RAD51D: variants seen among roughly 807,000 people sequenced by gnomAD.
The protein encoded by RAD51D is DNA repair protein RAD51 homolog 4.
A neutral mutation model predicts 44.1 loss-of-function variants in RAD51D; 38 were observed. The ratio of observed to expected loss-of-function variants is 0.86; its 90% CI spans 0.67 to 1.13. RAD51D has a LOEUF of 1.13. Ranked by LOEUF, RAD51D falls within the 50% of genes most tolerant of loss-of-function variation. The pLI is 0.00. For synonymous variants in RAD51D, 141 were observed against 166.6 expected, an observed-to-expected ratio of 0.85 and a Z score of 1.18; for missense variants, 390 against 414.0, an observed-to-expected ratio of 0.94 and a Z score of 0.50.
intron 3 of RAD51D, among the ~76,000 whole-genome samples, chr17:35,113,288 G>A (rs1363675163): frequency 6.6e-6 from 1 of 150,700 alleles, no homozygotes. Flanking sequence ...TTTTCTTTTT[G>A]AGACGGAGTC....
rs28363289 is a variant in RAD51D at position 35,101,468 on chromosome 17, A to G, written c.739-103T>C. Reference sequence around the variant, plus strand: ...GGAAAACAGAGGCCTAGCACAGAGAAATAACTTCCCCAAGGTTACAAAACC... The same window carrying G: ...GGAAAACAGAGGCCTAGCACAGAGAGATAACTTCCCCAAGGTTACAAAACC... On this transcript the variant is annotated intron_variant, in intron 8 of 9. Coordinates refer to ENST00000345365, the MANE Select transcript of RAD51D (RefSeq NM_002878.4). The G allele has an allele frequency of 0.091, 117,245 of 1,295,024 alleles. 5,985 individuals carry two copies. Among genetic ancestry groups the G allele is most frequent in the South Asian group, 0.16 (13,163 of 83,846 alleles). 80.2% of individuals were successfully genotyped at this position (1,295,024 alleles called of 1,614,324 possible). A position where few individuals can be genotyped will look rare whatever the true frequency, so the allele number is the denominator to read the frequency against.
At chr17:35,110,250 A>T (rs1724218068) in intron 3 of RAD51D, among the ~76,000 whole-genome samples, 1 of 152,132 alleles carries the variant, frequency 6.6e-6, no homozygotes, top group African/African-American at 2.4e-5. Flanking sequence ...CTGGGATTAC[A>T]GGTGTGAGCC....
Position 35,099,651 on chromosome 17 carries a change from C to G in RAD51D, c.*1302G>C. ...TCTATCCCTGTTGCATTCATCACCT[C>G]TAAATGTCATTACTTTCTGAGTGTA... On this transcript the variant is annotated 3_prime_UTR_variant, in exon 10 of 10. Transcript: ENST00000345365. 1 of 379,074 alleles carries G rather than the reference C, an allele frequency of 2.6e-6. No homozygotes were observed. Among genetic ancestry groups the G allele is most frequent in the Non-Finnish European group, 5.1e-6 (1 of 195,390 alleles). 23.5% of individuals were successfully genotyped at this position (379,074 alleles called of 1,614,324 possible).
chr17:35,117,042 T>G, intron 3 of RAD51D: 1 of 1,609,592 alleles, frequency 6.2e-7, no homozygotes, highest in East Asian at 2.2e-5. Flanking sequence ...CCATGTCTGT[T>G]GGATTTATAA....
chr17:35,115,259 T>C (rs748393392), intron 3 of RAD51D: 4 of 518,198 alleles, frequency 7.7e-6, no homozygotes, highest in Non-Finnish European at 1.5e-5. Context: ...AGTCATCCAT[T>C]CACACACCAC....
chr17:35,119,375 C>T, intron 1 of RAD51D, 157 bp downstream of exon 1: 1 of 984,866 alleles, frequency 1.0e-6, no homozygotes, highest in East Asian at 2.4e-5. Flanking sequence ...AGCTTGGCTC[C>T]CCACGCCCAC....
intron 5 of RAD51D, 78 bp from the exon 6 acceptor site, chr17:35,106,559 G>C (rs1252449462): frequency 1.9e-6 from 2 of 1,077,698 alleles, no homozygotes; most frequent in Non-Finnish European, 2.8e-6. Flanking sequence ...AGAAGGAAGA[G>C]GCACCTGGAT....
At chr17:35,109,737 G>A (rs1181199976) in intron 3 of RAD51D, among the ~76,000 whole-genome samples, 3 of 151,138 alleles carry the variant, frequency 2.0e-5, no homozygotes, top group South Asian at 2.1e-4. Flanking sequence ...GCGTGATCTC[G>A]GCTCACCACA....
In RAD51D at chr17:35,100,759, A is replaced by T; in HGVS notation, c.*194T>A. 1 of 692,064 alleles carries T rather than the reference A, an allele frequency of 1.4e-6. No homozygotes were observed. Among genetic ancestry groups the T allele is most frequent in the South Asian group, 1.5e-5 (1 of 66,576 alleles). 42.9% of individuals were successfully genotyped at this position (692,064 alleles called of 1,614,324 possible). A position where few individuals can be genotyped will look rare whatever the true frequency, so the allele number is the denominator to read the frequency against. On this transcript the variant is annotated 3_prime_UTR_variant, in exon 10 of 10. Coordinates refer to ENST00000345365, the MANE Select transcript of RAD51D (RefSeq NM_002878.4). ...CAGTATGAATTTCTGGGTCCTCGCA[A>T]TGCAGCATCCTCTTTCGCCTGTGGT... is the stretch of plus-strand genomic sequence containing the variant.
intron 4 of RAD51D, 113 bp downstream of exon 4, chr17:35,107,253 T>G: frequency 6.8e-7 from 1 of 1,461,024 alleles, no homozygotes. Flanking sequence ...TTACCCATCT[T>G]CTCTCTGTTG....
At position 35,096,533 on chromosome 17, in the gene RAD51D, T is replaced by C. The variant is rs1455526465; in HGVS notation, c.*4420A>G. Reference sequence around the variant, plus strand: ...CGCCATTTGACAATGAGCCACTAAATTAACAAACCTCAGACTTCCTGTTAT... The same window carrying C: ...CGCCATTTGACAATGAGCCACTAAACTAACAAACCTCAGACTTCCTGTTAT... On this transcript the variant is annotated 3_prime_UTR_variant, in exon 10 of 10. Transcript: ENST00000345365. 6.6e-6 allele frequency: 1 copy of C among 152,240 alleles called. No individual in the cohort carries two copies. Among genetic ancestry groups the C allele is most frequent in the East Asian group, 1.9e-4 (1 of 5,200 alleles). 9.4% of individuals were successfully genotyped at this position (152,240 alleles called of 1,614,324 possible). A position where few individuals can be genotyped will look rare whatever the true frequency, so the allele number is the denominator to read the frequency against.
rs1257386783 is a variant in RAD51D at position 35,095,371 on chromosome 17, A to C, written c.*5582T>G. The C allele has an allele frequency of 6.6e-6, 1 of 152,050 alleles. No individual in the cohort carries two copies. The highest frequency in any genetic ancestry group is 1.5e-5 in the Non-Finnish European group (1 of 68,100). The allele number at this position is 152,050 out of a possible 1,614,324, so 9.4% of individuals were successfully genotyped here. ...GGGGCGCATGCTTGTAATCCCAGCT[A>C]CTCGGGAGGCTGCGGCAGAATTGCT... On this transcript the variant is annotated 3_prime_UTR_variant, in exon 10 of 10. Transcript: ENST00000345365.
intron 6 of RAD51D, chr17:35,106,001 A>G (rs1401475285): frequency 1.2e-5 from 5 of 423,656 alleles, no homozygotes; most frequent in Non-Finnish European, 2.4e-5. Context: ...CAGACACACA[A>G]ATCTATTGCC....
intron 3 of RAD51D, among the ~76,000 whole-genome samples, chr17:35,109,867 A>G (rs2091653950): frequency 6.7e-6 from 1 of 149,936 alleles, no homozygotes; most frequent in African/African-American, 2.5e-5. Flanking sequence ...AGGTTTCTTC[A>G]TGTTGGTCAG....
At chr17:35,115,119 A>G (rs1216237585) in intron 3 of RAD51D, among the ~76,000 whole-genome samples, 1 of 152,152 alleles carries the variant, frequency 6.6e-6, no homozygotes, top group Non-Finnish European at 1.5e-5. Flanking sequence ...CCGCATGTCA[A>G]CAGGGAGAGA....
rs876659085 is a variant in RAD51D at position 35,107,089 on chromosome 17, C to T, written c.379G>A (p.Gly127Ser). The T allele has an allele frequency of 6.2e-7, 1 of 1,614,094 alleles. No homozygotes were observed. The highest frequency in any genetic ancestry group is 8.5e-7 in the Non-Finnish European group (1 of 1,180,006). ...CLCMAANVAH[G>S]LQQNVLYVDS... is the part of the protein sequence containing the mutation. Reference sequence around the variant, plus strand: ...ACATATAGGACGTTTTGCTGCAGGCCATGGGCCACATTTGCTGCCATACAG... The same window carrying T: ...ACATATAGGACGTTTTGCTGCAGGCTATGGGCCACATTTGCTGCCATACAG... Residue 127 changes from glycine (G) to serine (S), a missense_variant, in exon 5 of 10, where the codon GGC becomes AGC. Physicochemically the swap from Gly to Ser is moderately conservative, Grantham distance 56. Coordinates refer to ENST00000345365, the MANE Select transcript of RAD51D (RefSeq NM_002878.4).
rs1438561890 is a variant in RAD51D at position 35,103,551 on chromosome 17, G to A, written c.577-7C>T. 4.3e-6 allele frequency: 7 copies of A among 1,609,432 alleles called. No homozygotes were observed. In the South Asian group the frequency reaches 6.6e-5, roughly 15 times the overall value. Reference sequence around the variant, plus strand: ...TTCCTGAAGAACCAGTCACCTGAAGGAATGTGGGGGAAGCACTCATGAACC... The same window carrying A: ...TTCCTGAAGAACCAGTCACCTGAAGAAATGTGGGGGAAGCACTCATGAACC... On this transcript the variant is annotated splice_polypyrimidine_tract_variant and splice_region_variant and intron_variant, in intron 6 of 9. Coordinates refer to ENST00000345365, the MANE Select transcript of RAD51D (RefSeq NM_002878.4). This position sits in a 1 kb window ranked among gnomAD's most constrained non-coding sequence, Gnocchi z 4.1.
intron 3 of RAD51D, among the ~76,000 whole-genome samples, chr17:35,107,991 C>A (rs1290745020): frequency 1.3e-5 from 2 of 151,912 alleles, no homozygotes; most frequent in Middle Eastern, 3.4e-3. Flanking sequence ...CTCAAGCGAT[C>A]CACCCACCTC....
intron 3 of RAD51D, 73 bp downstream of exon 3, chr17:35,118,428 G>A (rs2091774415): frequency 2.3e-6 from 3 of 1,287,754 alleles, no homozygotes; most frequent in Non-Finnish European, 2.3e-6. Flanking sequence ...CTAGACTCAA[G>A]CATCAAAAGC....
Sources: allele counts gnomAD v4.1 joint callset (sites outside exome capture counted in the v4.1 genomes callset), GRCh38; gene constraint gnomAD v4.1.1; non-coding constraint Gnocchi (gnomAD v3.1); transcripts MANE v1.5; gene names NCBI Gene and HGNC (gene_info 2026-07-23, HGNC 2026-07-21).